Variants in WDPCP observed in about 807,000 individuals in gnomAD.
The protein encoded by WDPCP is WD repeat containing planar cell polarity effector, also known as WD repeat-containing and planar cell polarity effector protein fritz homolog.
In WDPCP, 71 loss-of-function variants were observed where a neutral mutation model predicts 93.1. The observed-to-expected ratio is 0.76, with a 90% CI of 0.63 to 0.93. WDPCP has a LOEUF of 0.93. Ranked by LOEUF, WDPCP falls within the 40% of genes least tolerant of loss-of-function variation. The probability of loss-of-function intolerance (pLI) is 0.00; values close to 1 mark genes in which losing one functional copy is unlikely to be tolerated. For missense variants in WDPCP, 844 were observed against 887.4 expected, an observed-to-expected ratio of 0.95 and a Z score of 0.62; for synonymous variants, 315 against 315.0, an observed-to-expected ratio of 1.00 and a Z score of 0.00.
chr2:63,136,620 G>T (rs533386805), intron 17 of WDPCP, among the ~76,000 whole-genome samples: 2 of 152,114 alleles, frequency 1.3e-5, no homozygotes, highest in African/African-American at 4.8e-5. Context: ...GGGATTTGAG[G>T]TTTTTTGTGC....
chr2:63,459,814 G>C (rs1698883687), intron 6 of WDPCP, among the ~76,000 whole-genome samples: 1 of 151,398 alleles, frequency 6.6e-6, no homozygotes, highest in Non-Finnish European at 1.5e-5. Context: ...CTACTCAGGA[G>C]GCTGAGGCAA....
At chr2:63,530,564 A>G (rs1181400823) in intron 1 of WDPCP, among the ~76,000 whole-genome samples, 2 of 152,186 alleles carry the variant, frequency 1.3e-5, no homozygotes, top group African/African-American at 4.8e-5. Flanking sequence ...CTTTAAGGTA[A>G]TTAAGGTTCA....
At chr2:63,640,353 A>G (rs572700799) in intron 3 of WDPCP, among the ~76,000 whole-genome samples, 26 of 152,252 alleles carry the variant, frequency 1.7e-4, no homozygotes, top group Non-Finnish European at 2.8e-4. Context: ...AATTAGCTGC[A>G]TGTAGCAGTG....
chr2:63,223,557 G>T (rs958282176), intron 14 of WDPCP, among the ~76,000 whole-genome samples: 20 of 152,108 alleles, frequency 1.3e-4, no homozygotes, highest in Non-Finnish European at 2.2e-4. Flanking sequence ...AGTGGGCAAG[G>T]ATTGAGTGAA....
intron 6 of WDPCP, among the ~76,000 whole-genome samples, chr2:63,453,437 G>T (rs947615276): frequency 6.6e-6 from 1 of 152,118 alleles, no homozygotes; most frequent in African/African-American, 2.4e-5. Context: ...TAAAACGTCA[G>T]GAAACAACAG....
intron 4 of WDPCP, among the ~76,000 whole-genome samples, chr2:63,485,879 T>C (rs1700545394): frequency 1.3e-5 from 2 of 151,826 alleles, no homozygotes; most frequent in Admixed American, 6.6e-5. Context: ...CTATACATCT[T>C]ATTTCAGCAA....
At chr2:63,769,803 G>GA (rs372100949) in intron 2 of WDPCP, among the ~76,000 whole-genome samples, 24 of 151,888 alleles carry the variant, frequency 1.6e-4, no homozygotes, top group African/African-American at 5.8e-4. Context: ...GGTTGATGGG[G>GA]AAAAAAATGA....
At chr2:63,619,246 G>A (rs1709706353) in intron 3 of WDPCP, among the ~76,000 whole-genome samples, 7 of 152,102 alleles carry the variant, frequency 4.6e-5, no homozygotes, top group Admixed American at 4.6e-4. Context: ...AGTATGTTGG[G>A]TCATGGGTAA....
chr2:63,653,016 G>A (rs1486084198), intron 2 of WDPCP, among the ~76,000 whole-genome samples: 3 of 51,816 alleles, frequency 5.8e-5, no homozygotes, highest in African/African-American at 5.0e-4. Context: ...ATGTTCAAGA[G>A]AAAGGAATAA....
chr2:63,287,959 A>C (rs775628288), intron 13 of WDPCP, among the ~76,000 whole-genome samples: 10 of 152,206 alleles, frequency 6.6e-5, no homozygotes, highest in Non-Finnish European at 1.3e-4. Context: ...AGCAGGTATA[A>C]AACTCCTCTA....
intron 6 of WDPCP, among the ~76,000 whole-genome samples, chr2:63,450,680 T>C (rs1698181525): frequency 1.3e-5 from 2 of 152,074 alleles, no homozygotes; most frequent in South Asian, 4.1e-4. Context: ...AACTTCACCA[T>C]AGCCCCCACA....
chr2:63,650,024 T>A (rs969380049), intron 3 of WDPCP, among the ~76,000 whole-genome samples: 2 of 152,124 alleles, frequency 1.3e-5, no homozygotes, highest in Non-Finnish European at 2.9e-5. Flanking sequence ...TACAGAGAGA[T>A]CCCCTGAGAC....
At chr2:63,593,949 C>T (rs1709252742) in intron 3 of WDPCP, among the ~76,000 whole-genome samples, 1 of 152,202 alleles carries the variant, frequency 6.6e-6, no homozygotes, top group Non-Finnish European at 1.5e-5. Flanking sequence ...AGGTTGTCAG[C>T]TGTCTGTCAC....
At chr2:63,515,560 CT>C (rs1702497690) in intron 1 of WDPCP, among the ~76,000 whole-genome samples, 1 of 152,154 alleles carries the variant, frequency 6.6e-6, no homozygotes, top group African/African-American at 2.4e-5. Flanking sequence ...TGCAATTTGC[CT>C]TTAGAGATTG....
At chr2:63,825,638 G>A (rs1001543231) in intron 1 of WDPCP, among the ~76,000 whole-genome samples, 11 of 151,830 alleles carry the variant, frequency 7.2e-5, no homozygotes, top group African/African-American at 2.7e-4. Context: ...TTAGCAGGGG[G>A]TTCTGTTCAT....
intron 2 of WDPCP, among the ~76,000 whole-genome samples, chr2:63,757,826 G>C (rs145517901): frequency 3.9e-5 from 6 of 152,144 alleles, no homozygotes; most frequent in African/African-American, 1.4e-4. Context: ...AGAAACACAT[G>C]TATAGATGGA....
intron 1 of WDPCP, among the ~76,000 whole-genome samples, chr2:63,530,690 C>T (rs1448652725): frequency 6.6e-6 from 1 of 152,188 alleles, no homozygotes; most frequent in Admixed American, 6.5e-5. Context: ...AACTGGCAGG[C>T]CAAATTGTTG....
chr2:63,527,272 C>T (rs1418965603), intron 1 of WDPCP, among the ~76,000 whole-genome samples: 2 of 149,940 alleles, frequency 1.3e-5, no homozygotes, highest in South Asian at 4.2e-4. Flanking sequence ...GCACAACGTG[C>T]AGGTTTGTTA....
chr2:63,128,321 T>A (rs929161510), intron 17 of WDPCP, among the ~76,000 whole-genome samples: 5 of 152,088 alleles, frequency 3.3e-5, no homozygotes. Flanking sequence ...AGCCCCAAGA[T>A]AACCTCTAAA....
Sources: allele counts gnomAD v4.1 joint callset (sites outside exome capture counted in the v4.1 genomes callset), GRCh38; gene constraint gnomAD v4.1.1; transcripts MANE v1.5; gene names NCBI Gene and HGNC (gene_info 2026-07-23, HGNC 2026-07-21).